The following ASIC2 variants were observed in gnomAD, a reference collection of about 807,000 sequenced individuals.
ASIC2 encodes acid sensing ion channel subunit 2.
A neutral mutation model predicts 57.3 loss-of-function variants in ASIC2; 25 were observed. The observed-to-expected ratio is 0.44, with a 90% CI of 0.32 to 0.61. The LOEUF is 0.61. ASIC2 is among the 20% of genes least tolerant of loss of function. The probability of loss-of-function intolerance (pLI) is 0.06; values close to 1 mark genes in which losing one functional copy is unlikely to be tolerated. For synonymous variants in ASIC2, 319 were observed against 307.5 expected, an observed-to-expected ratio of 1.04 and a Z score of -0.39; for missense variants, 641 against 738.1, an observed-to-expected ratio of 0.87 and a Z score of 1.52.
At chr17:33,119,096 G>T (rs1472832885) in intron 1 of ASIC2, among the ~76,000 whole-genome samples, 1 of 152,066 alleles carries the variant, frequency 6.6e-6, no homozygotes, top group Non-Finnish European at 1.5e-5. Context: ...TTATGTATAA[G>T]CCCCCTTAAG....
At chr17:33,886,558 A>G (rs1223874780) in intron 1 of ASIC2, among the ~76,000 whole-genome samples, 1 of 152,166 alleles carries the variant, frequency 6.6e-6, no homozygotes, top group African/African-American at 2.4e-5. Context: ...GATTAGTTTC[A>G]GTTGTACAGG....
chr17:33,697,068 C>T (rs1255958054), intron 1 of ASIC2, among the ~76,000 whole-genome samples: 1 of 152,040 alleles, frequency 6.6e-6, no homozygotes, highest in Non-Finnish European at 1.5e-5. Flanking sequence ...TGTGTGGTTC[C>T]TCCCTCCCTC....
chr17:33,785,860 AT>A (rs762166152), intron 1 of ASIC2, among the ~76,000 whole-genome samples: 5 of 152,184 alleles, frequency 3.3e-5, no homozygotes, highest in Non-Finnish European at 5.9e-5. Context: ...GAGGCAGAAG[AT>A]TTTGCTACTA....
At chr17:33,522,329 A>G (rs1381974498) in intron 1 of ASIC2, among the ~76,000 whole-genome samples, 1 of 152,244 alleles carries the variant, frequency 6.6e-6, no homozygotes, top group Non-Finnish European at 1.5e-5. Flanking sequence ...TTTGCAGAGC[A>G]TTCGGACTCC....
chr17:33,701,207 G>A (rs1473017832), intron 1 of ASIC2, among the ~76,000 whole-genome samples: 1 of 152,056 alleles, frequency 6.6e-6, no homozygotes, highest in African/African-American at 2.4e-5. Context: ...GGACAGCCTA[G>A]GGTACTCTGA....
intron 1 of ASIC2, among the ~76,000 whole-genome samples, chr17:33,339,701 G>T (rs1320331635): frequency 6.6e-6 from 1 of 152,164 alleles, no homozygotes; most frequent in African/African-American, 2.4e-5. Flanking sequence ...TCTCTCTGAG[G>T]CTGCCTCCTC....
At chr17:33,939,080 C>G (rs1452993911) in intron 1 of ASIC2, among the ~76,000 whole-genome samples, 1 of 152,254 alleles carries the variant, frequency 6.6e-6, no homozygotes, top group African/African-American at 2.4e-5. Context: ...ATGGTCCCTG[C>G]CAGCCCATTG....
At chr17:34,098,004 G>C (rs934962795) in intron 1 of ASIC2, among the ~76,000 whole-genome samples, 6 of 152,162 alleles carry the variant, frequency 3.9e-5, no homozygotes, top group African/African-American at 1.4e-4. Context: ...ATCATGTGGA[G>C]AGCAGGAGAG....
chr17:33,383,763 G>T (rs1312084392), intron 1 of ASIC2, among the ~76,000 whole-genome samples: 1 of 152,190 alleles, frequency 6.6e-6, no homozygotes, highest in Non-Finnish European at 1.5e-5. Flanking sequence ...CAAAACAGTG[G>T]CAGGGATGGT....
intron 1 of ASIC2, among the ~76,000 whole-genome samples, chr17:33,970,160 T>G (rs183156706): frequency 2.0e-5 from 3 of 152,284 alleles, no homozygotes; most frequent in Admixed American, 2.0e-4. Context: ...CTAAGCAGCG[T>G]CCCTGGCCTC....
chr17:33,831,978 C>G (rs1490853456), intron 1 of ASIC2, among the ~76,000 whole-genome samples: 2 of 152,192 alleles, frequency 1.3e-5, no homozygotes, highest in Non-Finnish European at 2.9e-5. Flanking sequence ...TTTACCCTCT[C>G]TTCTCTTGTC....
chr17:34,121,766 C>A (rs11080248), intron 1 of ASIC2, among the ~76,000 whole-genome samples: 79,183 of 152,092 alleles, frequency 0.52, 21,818 homozygotes, highest in South Asian at 0.63. Context: ...CCTTTGCTCC[C>A]AGCCTACTAA....
At chr17:33,121,685 G>A (rs982153033) in intron 1 of ASIC2, among the ~76,000 whole-genome samples, 1 of 152,058 alleles carries the variant, frequency 6.6e-6, no homozygotes, top group African/African-American at 2.4e-5. Flanking sequence ...AGACAACTAT[G>A]GGCTCTACTA....
At chr17:33,814,603 A>G (rs780678168) in intron 1 of ASIC2, among the ~76,000 whole-genome samples, 38 of 152,370 alleles carry the variant, frequency 2.5e-4, no homozygotes, top group Non-Finnish European at 5.0e-4. Flanking sequence ...TTGGGTGTAC[A>G]AGTGGCAGAG....
chr17:33,437,189 C>G (rs1046984045), intron 1 of ASIC2, among the ~76,000 whole-genome samples: 1 of 152,048 alleles, frequency 6.6e-6, no homozygotes, highest in Admixed American at 6.5e-5. Context: ...GACAGGATCT[C>G]AGGCTAGAAT....
chr17:33,331,360 A>G (rs949047148), intron 1 of ASIC2, among the ~76,000 whole-genome samples: 7 of 152,156 alleles, frequency 4.6e-5, no homozygotes, highest in Non-Finnish European at 8.8e-5. Context: ...CTAAGGCTCA[A>G]AGATGTTAAG....
intron 1 of ASIC2, among the ~76,000 whole-genome samples, chr17:33,592,670 C>A (rs1022779533): frequency 1.5e-4 from 23 of 152,104 alleles, no homozygotes. Flanking sequence ...GACTGGACTG[C>A]GAGCAGGAAA....
chr17:33,237,357 T>TA (rs2142115224), intron 1 of ASIC2, among the ~76,000 whole-genome samples: 1 of 152,064 alleles, frequency 6.6e-6, no homozygotes, highest in Admixed American at 6.5e-5. Flanking sequence ...TAGTAGTTTT[T>TA]TTTTTTTTTT....
chr17:33,026,163 T>G (rs1390045409), intron 4 of ASIC2, among the ~76,000 whole-genome samples, 181 bp from the exon 5 acceptor site: 2 of 152,208 alleles, frequency 1.3e-5, no homozygotes, highest in Non-Finnish European at 2.9e-5. Flanking sequence ...GAAGGCTGGC[T>G]TCTGATCTGC....
Sources: gnomAD v4.1 joint callset for allele counts (sites outside exome capture counted in the v4.1 genomes callset) on GRCh38, gnomAD v4.1.1 for gene constraint, MANE v1.5 for transcripts, NCBI Gene and HGNC (gene_info 2026-07-23, HGNC 2026-07-21) for gene names.